PDK1: variants seen among roughly 807,000 people sequenced by gnomAD.
PDK1 encodes the protein pyruvate dehydrogenase kinase 1.
A neutral mutation model predicts 54.2 loss-of-function variants in PDK1; 39 were observed. That is an observed-to-expected ratio of 0.72 (90% CI 0.56 to 0.94). The LOEUF (loss-of-function observed/expected upper bound fraction) is 0.94, where lower values mean the gene tolerates loss of function less well. PDK1 is among the 40% of genes least tolerant of loss of function. PDK1 has a pLI of 0.00. For synonymous variants in PDK1, 221 were observed against 207.1 expected (o/e 1.07, Z -0.58); for missense variants, 552 against 566.0 (o/e 0.98, Z 0.25).
the PDK1 span, among the ~76,000 whole-genome samples, chr2:172,621,763 T>C: frequency 2.7e-5 from 4 of 146,240 alleles, no homozygotes; most frequent in African/African-American, 7.8e-5. Flanking sequence ...ATATCTCATA[T>C]ATGTCATATA....
chr2:172,559,247 A>G (rs1041112686), intron 2 of PDK1, among the ~76,000 whole-genome samples: 1 of 152,076 alleles, frequency 6.6e-6, no homozygotes, highest in African/African-American at 2.4e-5. Context: ...GTGCCCGACC[A>G]GAGTCTTAAG....
chr2:172,668,792 G>A, the PDK1 span, among the ~76,000 whole-genome samples: 2 of 138,830 alleles, frequency 1.4e-5, no homozygotes, highest in Non-Finnish European at 3.1e-5. Context: ...ACACATATAT[G>A]TATGTGTATA....
At chr2:172,587,278 G>T (rs118107311) in intron 9 of PDK1, among the ~76,000 whole-genome samples, 1 of 152,112 alleles carries the variant, frequency 6.6e-6, no homozygotes, top group African/African-American at 2.4e-5. Context: ...TCTTCCTCCC[G>T]GTGAGTTCCT....
chr2:172,664,023 A>G, the PDK1 span, among the ~76,000 whole-genome samples: 1 of 150,340 alleles, frequency 6.7e-6, no homozygotes, highest in Non-Finnish European at 1.5e-5. Context: ...TTTTAAAAGC[A>G]TTGCCTTGCC....
At chr2:172,636,783 A>G in the PDK1 span, among the ~76,000 whole-genome samples, 2 of 151,750 alleles carry the variant, frequency 1.3e-5, no homozygotes, top group African/African-American at 4.8e-5. Flanking sequence ...GACATTCATG[A>G]GGGATCTACC....
chr2:172,564,738 A>G (rs374140720), intron 4 of PDK1, 51 bp downstream of exon 4: 8 of 1,458,012 alleles, frequency 5.5e-6, no homozygotes, highest in Non-Finnish European at 7.5e-6. Context: ...ATGTGTTGGC[A>G]TATTTTAAAT....
At chr2:172,650,261 T>C in the PDK1 span, among the ~76,000 whole-genome samples, 1 of 152,060 alleles carries the variant, frequency 6.6e-6, no homozygotes, top group East Asian at 1.9e-4. Flanking sequence ...AGAAATAAAA[T>C]CCTTTACAGA....
chr2:172,668,282 T>C, the PDK1 span, among the ~76,000 whole-genome samples: 4,027 of 146,888 alleles, frequency 0.027, 77 homozygotes, highest in South Asian at 0.043. Flanking sequence ...TTCTTTATTT[T>C]TTTTTTTTTT....
chr2:172,556,093 C>G lies in PDK1; in HGVS notation c.-58C>G. The G allele has an allele frequency of 7.9e-7, 1 of 1,271,148 alleles. No individual in the cohort carries two copies. Among genetic ancestry groups the G allele is most frequent in the Admixed American group, 4.1e-5 (1 of 24,362 alleles). 78.7% of individuals were successfully genotyped at this position (1,271,148 alleles called of 1,614,324 possible). ...CCCGCCACGTCCCTCACGTACCACT[C>G]GGCAGAGGCGCGGGGAAACCTGGCG... is the stretch of plus-strand genomic sequence containing the variant. On this transcript the variant is annotated 5_prime_UTR_variant, in exon 1 of 11. Transcript: ENST00000282077.
At chr2:172,649,269 G>A in the PDK1 span, among the ~76,000 whole-genome samples, 34 of 152,236 alleles carry the variant, frequency 2.2e-4, no homozygotes, top group African/African-American at 7.7e-4. Flanking sequence ...GCAGCTGAGG[G>A]TGCTGACTGT....
chr2:172,587,474 T>C (rs1336021926), intron 9 of PDK1, among the ~76,000 whole-genome samples: 1 of 152,060 alleles, frequency 6.6e-6, no homozygotes, highest in Non-Finnish European at 1.5e-5. Flanking sequence ...CAGAGTTGTT[T>C]GTTCTTCTGG....
chr2:172,694,069 G>A, the PDK1 span, among the ~76,000 whole-genome samples: 8 of 152,200 alleles, frequency 5.3e-5, no homozygotes, highest in Non-Finnish European at 1.2e-4. Flanking sequence ...TCCGTGTGGC[G>A]ACCATAGCAG....
downstream of PDK1, among the ~76,000 whole-genome samples, chr2:172,613,304 A>G (rs970068959): frequency 1.3e-5 from 2 of 152,252 alleles, no homozygotes; most frequent in African/African-American, 4.8e-5. Flanking sequence ...AGGAACTGAC[A>G]GATGGAGCTT....
the PDK1 span, among the ~76,000 whole-genome samples, chr2:172,683,360 A>C: frequency 3.0e-3 from 449 of 148,800 alleles, 1 homozygote; most frequent in African/African-American, 0.011. Context: ...AAAAAAAAAA[A>C]ACAACTTATA....
chr2:172,688,735 C>G, the PDK1 span, among the ~76,000 whole-genome samples: 1 of 152,300 alleles, frequency 6.6e-6, no homozygotes, highest in Admixed American at 6.5e-5. Flanking sequence ...CCCCCTAGCA[C>G]CTGTACCTAG....
At chr2:172,665,596 C>A in the PDK1 span, among the ~76,000 whole-genome samples, 6 of 152,192 alleles carry the variant, frequency 3.9e-5, no homozygotes, top group East Asian at 1.2e-3. Flanking sequence ...ACCCTGAAGC[C>A]CCTTAACCTC....
chr2:172,659,596 A>C, the PDK1 span, among the ~76,000 whole-genome samples: 1 of 152,212 alleles, frequency 6.6e-6, no homozygotes. Flanking sequence ...CCCCTACATT[A>C]ACCCACATGC....
In PDK1 at chr2:172,605,273, G is replaced by A. The variant is rs1345137797; in HGVS notation, c.*9304G>A. The A allele has an allele frequency of 1.3e-5, 2 of 152,158 alleles. No individual in the cohort carries two copies. The highest frequency in any genetic ancestry group is 4.8e-5 in the African/African-American group (2 of 41,396). 9.4% of individuals were successfully genotyped at this position (152,158 alleles called of 1,614,324 possible). A position where few individuals can be genotyped will look rare whatever the true frequency, so the allele number is the denominator to read the frequency against. On this transcript the variant is annotated 3_prime_UTR_variant, in exon 11 of 11. Transcript: ENST00000282077. Reference sequence around the variant, plus strand: ...CTATGAACAGTCAAGGACACTGGAGGCCTCTGGGTGGGACACATAGGCGTT... The same window carrying A: ...CTATGAACAGTCAAGGACACTGGAGACCTCTGGGTGGGACACATAGGCGTT...
chr2:172,577,518 T>C (rs1689644047), intron 8 of PDK1, among the ~76,000 whole-genome samples: 1 of 152,262 alleles, frequency 6.6e-6, no homozygotes, highest in South Asian at 2.1e-4. Flanking sequence ...TTTTATTATT[T>C]CTCCATTATC....
Sources: gnomAD v4.1 joint callset for allele counts (sites outside exome capture counted in the v4.1 genomes callset) on GRCh38, gnomAD v4.1.1 for gene constraint, MANE v1.5 for transcripts, NCBI Gene and HGNC (gene_info 2026-07-23, HGNC 2026-07-21) for gene names.